The following ARL13A variants were observed in gnomAD, a reference collection of about 807,000 sequenced individuals.
ARL13A encodes the protein ADP-ribosylation factor-like protein 13A.
In ARL13A, 16 loss-of-function variants were observed where a neutral mutation model predicts 19.1. The ratio of observed to expected loss-of-function variants is 0.84; its 90% CI spans 0.57 to 1.27. The LOEUF (loss-of-function observed/expected upper bound fraction) is 1.27, where lower values mean the gene tolerates loss of function less well. ARL13A is among the 50% of genes most tolerant of loss of function. ARL13A has a pLI of 0.00. For synonymous variants in ARL13A, 69 were observed against 71.3 expected (o/e 0.97, Z 0.17); for missense variants, 153 against 186.4 (o/e 0.82, Z 1.04).
chrX:100,986,737 G>T, intron 4 of ARL13A, 59 bp from the exon 5 acceptor site: 1 of 758,101 alleles, frequency 1.3e-6, no homozygotes, highest in East Asian at 3.4e-5. Context: ...CTCGCCTTTT[G>T]CTTCTGTTTT....
At chrX:100,978,121 G>C (rs1001858087) in intron 3 of ARL13A, among the ~76,000 whole-genome samples, 4 of 112,437 alleles carry the variant, frequency 3.6e-5, no homozygotes, top group African/African-American at 1.3e-4. Flanking sequence ...CAGTGTATGA[G>C]GGTACCCCTT....
chrX:100,984,626 T>C, intron 3 of ARL13A, among the ~76,000 whole-genome samples: 1 of 112,647 alleles, frequency 8.9e-6, no homozygotes, highest in Non-Finnish European at 1.9e-5. Context: ...TAAACATTTA[T>C]TGAACACCTA....
intron 7 of ARL13A, 39 bp from the exon 8 acceptor site, chrX:100,990,523 C>A: frequency 2.7e-6 from 3 of 1,102,786 alleles, no homozygotes; most frequent in Non-Finnish European, 3.6e-6. Flanking sequence ...ATATCACATC[C>A]CTGAGAACCC....
In ARL13A at chrX:100,989,079, C is replaced by T. The variant is rs190722365; in HGVS notation, c.744+796C>T. ...CTAAATAAATTAGGATGCATCTATG[C>T]CATGGAATACTATGCATACATTAAA... is the stretch of plus-strand genomic sequence containing the variant. On this transcript the variant is annotated intron_variant, in intron 7 of 7. Coordinates refer to ENST00000450049, the MANE Select transcript of ARL13A (RefSeq NM_001162491.2). 2.7e-3 allele frequency among the ~76,000 whole-genome samples: 295 copies of T among 109,458 alleles called. 1 individual carries two copies. The highest frequency in any genetic ancestry group is 9.1e-3 in the African/African-American group (273 of 30,133).
intron 3 of ARL13A, 114 bp downstream of exon 3, chrX:100,974,311 G>C (rs185010982): frequency 1.3e-5 from 7 of 537,536 alleles, no homozygotes; most frequent in Middle Eastern, 3.2e-4. Flanking sequence ...CCCTCTTTTT[G>C]TGCATAAACA....
At chrX:100,982,081 T>C (rs907298291) in intron 3 of ARL13A, among the ~76,000 whole-genome samples, 1 of 110,784 alleles carries the variant, frequency 9.0e-6, no homozygotes. Context: ...ATGAGGACAT[T>C]TAGACTAGCG....
At chrX:100,982,649 CTTT>C (rs386419376) in intron 3 of ARL13A, among the ~76,000 whole-genome samples, 4 of 84,493 alleles carry the variant, frequency 4.7e-5, no homozygotes, top group Non-Finnish European at 6.8e-5. Flanking sequence ...CTACAGTTTT[CTTT>C]TTTTTTTTTT....
chrX:100,983,958 C>T lies in ARL13A; in HGVS notation c.131-1709C>T, dbSNP rs1381234696. On this transcript the variant is annotated intron_variant, in intron 3 of 7. Coordinates refer to ENST00000450049, the MANE Select transcript of ARL13A (RefSeq NM_001162491.2). Reference sequence around the variant, plus strand: ...CTAAGACTACAAATAAGAAGTTATGCATTCTAGTCTTAGTGCTCCCAGGTA... The same window carrying T: ...CTAAGACTACAAATAAGAAGTTATGTATTCTAGTCTTAGTGCTCCCAGGTA... Among the ~76,000 whole-genome samples, 4 of 111,505 alleles carry T rather than the reference C, an allele frequency of 3.6e-5. No individual in the cohort carries two copies. The East Asian group carries it at 1.1e-3, about 31-fold the overall frequency.
Position 100,986,888 on chromosome X carries a change from G to A in ARL13A, c.473G>A (p.Cys158Tyr). The A allele has an allele frequency of 1.7e-6, 2 of 1,186,415 alleles. No individual in the cohort carries two copies. Among genetic ancestry groups the A allele is most frequent in the Non-Finnish European group, 2.3e-6 (2 of 877,092 alleles). The change falls in exon 5 of 8, where the codon TGC becomes TAC. Residue 158 changes from cysteine (C) to tyrosine (Y), a missense_variant. Coordinates refer to ENST00000450049, the MANE Select transcript of ARL13A (RefSeq NM_001162491.2). The part of the protein sequence containing the change: ...LLKKLVKENK[C>Y]PCRVEPCSAI... Reference sequence around the variant, plus strand: ...AAGAAGCTAGTGAAAGAGAATAAGTGCCCATGCCGAGTAGTAAGTGTCAAC... The same window carrying A: ...AAGAAGCTAGTGAAAGAGAATAAGTACCCATGCCGAGTAGTAAGTGTCAAC...
At chrX:100,983,505 C>T (rs1248606451) in intron 3 of ARL13A, among the ~76,000 whole-genome samples, 3 of 109,909 alleles carry the variant, frequency 2.7e-5, no homozygotes, top group Middle Eastern at 4.7e-3. Flanking sequence ...TACAGGTGCC[C>T]GCCACCACGC....
intron 1 of ARL13A, among the ~76,000 whole-genome samples, chrX:100,970,401 C>A (rs895282444): frequency 8.9e-6 from 1 of 112,422 alleles, no homozygotes; most frequent in African/African-American, 3.2e-5. Context: ...GATGACTCTG[C>A]AGAACCCTGA....
rs1231307516 is a variant in ARL13A at position 100,985,180 on chromosome X, G to A, written c.131-487G>A. Among the ~76,000 whole-genome samples, 6 of 112,226 alleles carry A rather than the reference G, an allele frequency of 5.3e-5. No homozygotes were observed. The East Asian group carries it at 1.1e-3, about 21-fold the overall frequency. On this transcript the variant is annotated intron_variant, in intron 3 of 7. Transcript: ENST00000450049. ...CATCTTGTAACATCCCAGGGCAAGAGAGAGCAAGACATTGATGTAGAGTGG... is the reference window on the plus strand; with the variant it reads ...CATCTTGTAACATCCCAGGGCAAGAAAGAGCAAGACATTGATGTAGAGTGG...
intron 3 of ARL13A, among the ~76,000 whole-genome samples, chrX:100,974,704 T>C (rs1286379773): frequency 9.0e-6 from 1 of 111,646 alleles, no homozygotes; most frequent in Admixed American, 9.5e-5. Context: ...AGTTCCGATA[T>C]GTCCAAGTTT....
chrX:100,975,067 A>G (rs971712220), intron 3 of ARL13A, among the ~76,000 whole-genome samples: 2 of 111,757 alleles, frequency 1.8e-5, no homozygotes, highest in African/African-American at 6.5e-5. Flanking sequence ...GACTTAATAT[A>G]AAAGTCTGAT....
chrX:100,989,387 G>A (rs965678157), intron 7 of ARL13A, among the ~76,000 whole-genome samples: 7 of 110,114 alleles, frequency 6.4e-5, no homozygotes, highest in East Asian at 2.9e-4. Context: ...TGAGGCGGGC[G>A]GATCATGAGG....
chrX:100,985,700 C>T lies in ARL13A; in HGVS notation c.164C>T (p.Ser55Leu), dbSNP rs199822800. 35 of 1,208,096 alleles carry T rather than the reference C, an allele frequency of 2.9e-5. No homozygotes were observed. The highest frequency in any genetic ancestry group is 3.8e-5 in the Non-Finnish European group (34 of 894,480). Residue 55 changes from serine to leucine, a missense_variant, in exon 4 of 8, where the codon TCG becomes TTG. Ser to Leu is a moderately radical substitution (Grantham distance 145). Coordinates refer to ENST00000450049, the MANE Select transcript of ARL13A (RefSeq NM_001162491.2). ...AGTAAGACAGACCATTGCATGAAAT[C>T]GGAACTGACTACACTTTTGTTAGAT... ...LPSKTDHCMK[S>L]ELTTLLLDEY...
intron 3 of ARL13A, 120 bp downstream of exon 3, chrX:100,974,317 A>T (rs190255183): frequency 3.9e-6 from 2 of 516,336 alleles, no homozygotes; most frequent in Admixed American, 5.9e-5. Context: ...TTTTGTGCAT[A>T]AACACCTCCT....
intron 7 of ARL13A, chrX:100,988,640 C>T: frequency 1.3e-6 from 1 of 770,764 alleles, no homozygotes. Context: ...CAATTTTGAG[C>T]CTGAATTTCT....
chrX:100,987,076 A>G (rs1241733144), intron 5 of ARL13A, among the ~76,000 whole-genome samples, 175 bp downstream of exon 5: 1 of 111,894 alleles, frequency 8.9e-6, no homozygotes, highest in East Asian at 2.8e-4. Context: ...CTGCCTTCAA[A>G]ATAATTCTGT....
Sources: gnomAD v4.1 joint callset for allele counts (sites outside exome capture counted in the v4.1 genomes callset) on GRCh38, gnomAD v4.1.1 for gene constraint, MANE v1.5 for transcripts, NCBI Gene and HGNC (gene_info 2026-07-23, HGNC 2026-07-21) for gene names.